DGKB: variants seen among roughly 807,000 people sequenced by gnomAD.
The protein encoded by DGKB is diacylglycerol kinase beta.
A neutral mutation model predicts 114.3 loss-of-function variants in DGKB; 67 were observed. The ratio of observed to expected loss-of-function variants is 0.59; its 90% CI spans 0.48 to 0.72. The LOEUF is 0.72. DGKB is among the 30% of genes least tolerant of loss of function. The pLI, the probability that DGKB is intolerant of heterozygous loss-of-function variation, is 0.00. For synonymous variants in DGKB, 398 were observed against 323.1 expected, an observed-to-expected ratio of 1.23 and a Z score of -2.49; for missense variants, 907 against 975.2, an observed-to-expected ratio of 0.93 and a Z score of 0.93.
At chr7:14,522,300 G>C (rs1789914411) in intron 20 of DGKB, among the ~76,000 whole-genome samples, 1 of 152,112 alleles carries the variant, frequency 6.6e-6, no homozygotes, top group African/African-American at 2.4e-5. Context: ...GGGTAGCTTG[G>C]GCCTGTTGTG....
chr7:14,710,648 T>A (rs1418134690), intron 6 of DGKB, among the ~76,000 whole-genome samples: 2 of 152,124 alleles, frequency 1.3e-5, no homozygotes, highest in Non-Finnish European at 2.9e-5. Flanking sequence ...ATACACATTA[T>A]TAGATTAATG....
chr7:14,514,255 A>C (rs1239774382), intron 20 of DGKB, among the ~76,000 whole-genome samples: 2 of 152,076 alleles, frequency 1.3e-5, no homozygotes, highest in African/African-American at 4.8e-5. Flanking sequence ...TTTCCCCCCA[A>C]AATACATAAA....
intron 1 of DGKB, among the ~76,000 whole-genome samples, chr7:14,861,130 C>T (rs1048981462): frequency 6.6e-6 from 1 of 151,860 alleles, no homozygotes; most frequent in Non-Finnish European, 1.5e-5. Context: ...TGTAATAAAT[C>T]CTAGACCACT....
rs775090063 is a variant in DGKB, at chr7:14,471,206, A to ATG, written c.1835+6953_1835+6954dup. Reference sequence around the variant, plus strand: ...ATATATACATATATGTATGGAATATATGTATATATACATATATATGTATGG... The same window carrying ATG: ...ATATATACATATATGTATGGAATATATGTGTATATATACATATATATGTATGG... On this transcript the variant is annotated intron_variant, in intron 21 of 25. Transcript: ENST00000402815. 4.9e-3 allele frequency among the ~76,000 whole-genome samples: 243 copies of ATG among 49,192 alleles called. 8 individuals carry two copies. Among genetic ancestry groups the ATG allele is most frequent in the African/African-American group, 0.02 (219 of 10,888 alleles). 32.3% of individuals were successfully genotyped at this position (49,192 alleles called of 152,430 possible).
chr7:14,693,343 A>G (rs1199886075), intron 9 of DGKB, among the ~76,000 whole-genome samples: 1 of 152,072 alleles, frequency 6.6e-6, no homozygotes, highest in African/African-American at 2.4e-5. Context: ...TAGAATAAAA[A>G]TAACTGAAAT....
At chr7:14,882,001 A>G (rs1854303295) in intron 1 of DGKB, among the ~76,000 whole-genome samples, 1 of 152,008 alleles carries the variant, frequency 6.6e-6, no homozygotes, top group Non-Finnish European at 1.5e-5. Context: ...TTACTAAGGA[A>G]TGAGCCAAAT....
chr7:14,867,908 T>C (rs1851909992), intron 1 of DGKB, among the ~76,000 whole-genome samples: 1 of 152,148 alleles, frequency 6.6e-6, no homozygotes, highest in South Asian at 2.1e-4. Context: ...TAGCACTAAT[T>C]AAGGTAGCTT....
chr7:14,628,926 C>A (rs1362218542), intron 14 of DGKB, among the ~76,000 whole-genome samples: 2 of 151,838 alleles, frequency 1.3e-5, no homozygotes, highest in African/African-American at 4.8e-5. Flanking sequence ...AAAATAAAGA[C>A]TTTTTTCCTG....
chr7:14,963,256 T>G (rs1253852496), intron 1 of DGKB, among the ~76,000 whole-genome samples: 1 of 152,130 alleles, frequency 6.6e-6, no homozygotes, highest in Non-Finnish European at 1.5e-5. Context: ...AAATAGTTGC[T>G]CTGGAAACCC....
intron 21 of DGKB, 136 bp downstream of exon 21, chr7:14,478,025 T>TAC (rs3839747): frequency 0.29 from 117,831 of 402,534 alleles, 11,730 homozygotes; most frequent in Admixed American, 0.36. Flanking sequence ...TCTTAATATT[T>TAC]ACACACACAC....
intron 20 of DGKB, among the ~76,000 whole-genome samples, chr7:14,565,004 A>G (rs887155588): frequency 3.3e-5 from 5 of 152,070 alleles, no homozygotes; most frequent in Admixed American, 2.0e-4. Context: ...ACTTTCTCCC[A>G]TTCCTGAATG....
chr7:14,541,538 C>T (rs997379842), intron 20 of DGKB, among the ~76,000 whole-genome samples: 2 of 152,148 alleles, frequency 1.3e-5, no homozygotes, highest in African/African-American at 2.4e-5. Context: ...AAGTTAATTT[C>T]TCTGTTTATA....
chr7:14,329,352 A>G (rs13233548), intron 23 of DGKB, among the ~76,000 whole-genome samples: 35,562 of 151,750 alleles, frequency 0.23, 5,027 homozygotes, highest in South Asian at 0.37. Flanking sequence ...ATATAAATAA[A>G]GAAGGTAAAA....
rs1828566894 is a variant in DGKB at position 14,718,408 on chromosome 7, T to G, written c.466+134A>C. The G allele has an allele frequency of 3.0e-6, 2 of 662,844 alleles. 1 individual carries two copies. Among genetic ancestry groups the G allele is most frequent in the Admixed American group, 8.0e-5 (2 of 25,000 alleles). The allele number at this position is 662,844 out of a possible 1,614,324, so 41.1% of individuals were successfully genotyped here. On this transcript the variant is annotated intron_variant, in intron 6 of 25. Transcript: ENST00000402815. ...TGTCTGATCCTCAGCAGGAGGAAAT[T>G]TTTACTATTAAGCAGGATCACTTTA...
chr7:14,856,562 C>T (rs908085279), intron 1 of DGKB, among the ~76,000 whole-genome samples: 1 of 152,104 alleles, frequency 6.6e-6, no homozygotes, highest in Admixed American at 6.5e-5. Flanking sequence ...TTTAATGCAA[C>T]TTGCATTTTT....
intron 15 of DGKB, among the ~76,000 whole-genome samples, chr7:14,618,765 G>C (rs1448403197): frequency 6.6e-6 from 1 of 151,462 alleles, no homozygotes; most frequent in Non-Finnish European, 1.5e-5. Context: ...TGGTTAGCTG[G>C]AAAGAAATAA....
chr7:14,737,004 G>T (rs2128402185), intron 4 of DGKB, among the ~76,000 whole-genome samples: 2 of 152,308 alleles, frequency 1.3e-5, no homozygotes, highest in South Asian at 2.1e-4. Flanking sequence ...TTGAGGACAA[G>T]CACATGGGTG....
At chr7:14,341,510 A>G (rs1811593012) in intron 22 of DGKB, among the ~76,000 whole-genome samples, 1 of 151,904 alleles carries the variant, frequency 6.6e-6, no homozygotes, top group Non-Finnish European at 1.5e-5. Context: ...TTAAAAGCTA[A>G]CAGCCTCAGT....
chr7:14,787,879 A>C (rs1840119082), intron 2 of DGKB, among the ~76,000 whole-genome samples: 1 of 152,220 alleles, frequency 6.6e-6, no homozygotes, highest in Admixed American at 6.5e-5. Flanking sequence ...CAATGAAACA[A>C]AGCAGTTTTC....
Sources: allele counts gnomAD v4.1 joint callset (sites outside exome capture counted in the v4.1 genomes callset), GRCh38; gene constraint gnomAD v4.1.1; transcripts MANE v1.5; gene names NCBI Gene and HGNC (gene_info 2026-07-23, HGNC 2026-07-21).